The following SAMMSON variants were observed in gnomAD, a reference collection of about 807,000 sequenced individuals.
SAMMSON encodes the protein survival associated mitochondrial melanoma specific oncogenic non-coding RNA, also known as long intergenic non-protein coding RNA 1212.
At chr3:70,015,288 AC>A (rs1393532927) in intron 3 of SAMMSON, 1 of 151,988 alleles carries the variant, frequency 6.6e-6, no homozygotes, top group Non-Finnish European at 1.5e-5. Flanking sequence ...CTCAAAAAAA[AC>A]CAAACCAACA....
chr3:70,388,856 C>T (rs975848930), intron 9 of SAMMSON, among the ~76,000 whole-genome samples: 3 of 152,022 alleles, frequency 2.0e-5, no homozygotes, highest in Non-Finnish European at 4.4e-5. Context: ...CACCAAAACC[C>T]ATGTTGAAAT....
At chr3:70,092,892 T>C (rs1273947552) in intron 4 of SAMMSON, among the ~76,000 whole-genome samples, 1 of 141,446 alleles carries the variant, frequency 7.1e-6, no homozygotes, top group African/African-American at 2.6e-5. Flanking sequence ...ATGTGTTGTC[T>C]AGTGTTTTTG....
intron 7 of SAMMSON, among the ~76,000 whole-genome samples, chr3:70,297,985 G>T (rs1029365402): frequency 6.6e-6 from 1 of 152,030 alleles, no homozygotes; most frequent in Non-Finnish European, 1.5e-5. Context: ...AATCAGGGGA[G>T]AAATTTTTAA....
At chr3:70,355,990 A>T (rs1244400255) in intron 8 of SAMMSON, among the ~76,000 whole-genome samples, 1 of 152,220 alleles carries the variant, frequency 6.6e-6, no homozygotes, top group Non-Finnish European at 1.5e-5. Context: ...TACATTTGTC[A>T]TAATAATTAA....
At chr3:70,306,042 A>G (rs1702396800) in intron 7 of SAMMSON, among the ~76,000 whole-genome samples, 1 of 152,284 alleles carries the variant, frequency 6.6e-6, no homozygotes, top group African/African-American at 2.4e-5. Flanking sequence ...TAACTTTTCT[A>G]TGTCAACACT....
chr3:70,104,649 C>T (rs2067359922), intron 4 of SAMMSON, among the ~76,000 whole-genome samples: 1 of 152,128 alleles, frequency 6.6e-6, no homozygotes, highest in Non-Finnish European at 1.5e-5. Flanking sequence ...TATTTTAAAA[C>T]ATCTTTCAAA....
At chr3:70,061,928 CTA>C (rs2067191867) in intron 3 of SAMMSON, among the ~76,000 whole-genome samples, 1 of 152,068 alleles carries the variant, frequency 6.6e-6, no homozygotes, top group Admixed American at 6.6e-5. Flanking sequence ...ATAAATGATT[CTA>C]TGTGTAAACA....
At chr3:70,195,138 G>A (rs903520489) in intron 4 of SAMMSON, among the ~76,000 whole-genome samples, 3 of 152,120 alleles carry the variant, frequency 2.0e-5, no homozygotes, top group South Asian at 2.1e-4. Context: ...AGTTCATGGG[G>A]CCTCTCTTTT....
chr3:70,305,639 C>T (rs1702393261), intron 7 of SAMMSON, among the ~76,000 whole-genome samples: 1 of 152,158 alleles, frequency 6.6e-6, no homozygotes, highest in Non-Finnish European at 1.5e-5. Flanking sequence ...AGAGGAGCCA[C>T]ATCAAATGGT....
chr3:70,359,201 C>T (rs1248613750), intron 9 of SAMMSON, among the ~76,000 whole-genome samples: 1 of 152,100 alleles, frequency 6.6e-6, no homozygotes, highest in African/African-American at 2.4e-5. Context: ...TTTGCCTCTA[C>T]TTACAGGGAC....
chr3:70,086,222 C>G lies in SAMMSON; in HGVS notation n.507+14657C>G, dbSNP rs943057337. Among the ~76,000 whole-genome samples, 4 of 152,180 alleles carry G rather than the reference C, an allele frequency of 2.6e-5. No individual in the cohort carries two copies. The East Asian group carries it at 7.7e-4, about 29-fold the overall frequency. The stretch of plus-strand genomic sequence containing the variant: ...GCTCAGGGGCCATGGCTTGCCTTCT[C>G]TCTTCTCACATCACCAGGGAGTTAT... On this transcript the variant is annotated intron_variant and non_coding_transcript_variant, in intron 4 of 9. Coordinates refer to ENST00000642114, the Ensembl canonical transcript of SAMMSON.
rs118115175 is a variant in SAMMSON, at chr3:70,421,714, T to C, written n.234-40846T>C. ...TGAAGATTTTTGCCTCCTGATAGAA[T>C]ATTGAAAATTATCTTCATCAGTGGG... On this transcript the variant is annotated intron_variant and non_coding_transcript_variant, in intron 2 of 3. Transcript: ENST00000641053. 3.5e-4 allele frequency among the ~76,000 whole-genome samples: 53 copies of C among 152,256 alleles called. 1 individual carries two copies. In the East Asian group the frequency reaches 8.9e-3, roughly 26 times the overall value.
rs532185607 is a variant in SAMMSON, at chr3:70,301,946, A to T, written n.739+10703A>T. ...TTTCTTCTGTTGTCTGTTGTTTGAG[A>T]TTAGAAATCATGAAGCACTTTTCTT... On this transcript the variant is annotated intron_variant and non_coding_transcript_variant, in intron 7 of 9. Coordinates refer to ENST00000642114, the Ensembl canonical transcript of SAMMSON. Among the ~76,000 whole-genome samples the T allele has an allele frequency of 7.2e-5, 11 of 152,228 alleles. No homozygotes were observed. In the South Asian group the frequency reaches 2.1e-3, roughly 29 times the overall value.
chr3:70,384,481 T>C (rs559217157), intron 9 of SAMMSON, among the ~76,000 whole-genome samples: 24 of 152,186 alleles, frequency 1.6e-4, no homozygotes, highest in Non-Finnish European at 3.1e-4. Context: ...GGTATTTTGA[T>C]TTTGATCTTC....
intron 2 of SAMMSON, among the ~76,000 whole-genome samples, chr3:70,420,983 A>G (rs1418980050): frequency 6.6e-6 from 1 of 152,154 alleles, no homozygotes; most frequent in African/African-American, 2.4e-5. Flanking sequence ...TGCTGTCTAA[A>G]TTATGAAAAG....
At position 70,013,149 on chromosome 3, in the gene SAMMSON, G is replaced by GTGATGA. The variant is rs370433914; in HGVS notation, n.265-353_265-348dup. On this transcript the variant is annotated intron_variant and non_coding_transcript_variant, in intron 2 of 9. Transcript: ENST00000642114. ...GAACAGTTTCTGGCATATAGTAAAT[G>GTGATGA]TGATGATGATGATGATGATGATGGT... 6.6e-5 allele frequency among the ~76,000 whole-genome samples: 10 copies of GTGATGA among 152,000 alleles called. No individual in the cohort carries two copies. The South Asian group carries it at 1.5e-3, about 22-fold the overall frequency.
At chr3:70,349,111 A>G (rs1166309398) in intron 7 of SAMMSON, among the ~76,000 whole-genome samples, 1 of 152,170 alleles carries the variant, frequency 6.6e-6, no homozygotes, top group Non-Finnish European at 1.5e-5. Flanking sequence ...ACAGTGGTTC[A>G]TGCCTGTAAT....
chr3:70,311,585 C>T (rs1702453515), intron 7 of SAMMSON, among the ~76,000 whole-genome samples: 1 of 152,114 alleles, frequency 6.6e-6, no homozygotes, highest in South Asian at 2.1e-4. Flanking sequence ...GAAAAATCTA[C>T]AGCACTGCAA....
chr3:70,319,019 C>T (rs1017426403), intron 7 of SAMMSON, among the ~76,000 whole-genome samples: 2 of 151,998 alleles, frequency 1.3e-5, no homozygotes, highest in Non-Finnish European at 2.9e-5. Context: ...ACTGTGATAC[C>T]TATGTTCAGT....
Sources: gnomAD v4.1 joint callset for allele counts (sites outside exome capture counted in the v4.1 genomes callset) on GRCh38, gnomAD v4.1.1 for gene constraint, MANE v1.5 for transcripts, NCBI Gene and HGNC (gene_info 2026-07-23, HGNC 2026-07-21) for gene names.